Variants in TAF4B observed in about 807,000 individuals in gnomAD.
The protein encoded by TAF4B is transcription initiation factor TFIID subunit 4B.
A neutral mutation model predicts 86.4 loss-of-function variants in TAF4B; 38 were observed. That is an observed-to-expected ratio of 0.44 (90% CI 0.34 to 0.58). TAF4B has a LOEUF of 0.58. Ranked by LOEUF, TAF4B falls within the 20% of genes least tolerant of loss-of-function variation. The pLI is 0.02. For synonymous variants in TAF4B, 388 were observed against 391.2 expected, an observed-to-expected ratio of 0.99 and a Z score of 0.10; for missense variants, 988 against 1,027.6, an observed-to-expected ratio of 0.96 and a Z score of 0.53.
chr18:26,353,266 A>G (rs2057259390), intron 13 of TAF4B, among the ~76,000 whole-genome samples: 1 of 152,220 alleles, frequency 6.6e-6, no homozygotes, highest in Non-Finnish European at 1.5e-5. Context: ...ATGACTATGT[A>G]TATTATACTC....
intron 5 of TAF4B, among the ~76,000 whole-genome samples, chr18:26,279,247 A>T (rs1189892534): frequency 6.6e-6 from 1 of 152,178 alleles, no homozygotes; most frequent in Non-Finnish European, 1.5e-5. Context: ...TAAGAGCCAA[A>T]TCAAGAGCAC....
chr18:26,315,379 A>G lies in TAF4B; in HGVS notation c.1983A>G (p.Gln661=). 1 of 1,612,752 alleles carries G rather than the reference A, an allele frequency of 6.2e-7. No homozygotes were observed. Among genetic ancestry groups the G allele is most frequent in the Non-Finnish European group, 8.5e-7 (1 of 1,179,662 alleles). ...CATTTCTTTTTATTGGAGCTCTACA[A>G]AAGAGAATTTTAGACATTGGTAAGT... The part of the protein sequence containing the change: ...DEPFLFIGAL[Q]KRILDIGKKH... The change falls in exon 10 of 15, where the codon CAA becomes CAG. Residue 661 remains glutamine, a synonymous_variant. Transcript: ENST00000269142.
At chr18:26,382,145 A>G (rs1255749505) in intron 14 of TAF4B, among the ~76,000 whole-genome samples, 2 of 152,200 alleles carry the variant, frequency 1.3e-5, no homozygotes, top group Non-Finnish European at 2.9e-5. Context: ...ACAGTTCTCC[A>G]AGGAAAAATC....
In TAF4B at chr18:26,390,327, A is replaced by G. The variant is rs986041290; in HGVS notation, c.*315A>G. 1.3e-5 allele frequency: 3 copies of G among 229,858 alleles called. No homozygotes were observed. The highest frequency in any genetic ancestry group is 2.5e-5 in the Non-Finnish European group (3 of 119,486). The allele number at this position is 229,858 out of a possible 1,614,324, so 14.2% of individuals were successfully genotyped here. On this transcript the variant is annotated 3_prime_UTR_variant, in exon 15 of 15. Transcript: ENST00000269142. ...CCTGCCTCATTTGCCAAATTGTAGC[A>G]GGTGAGGTGTCCTTCCCTAATACAG...
chr18:26,344,903 C>T (rs899106288), intron 13 of TAF4B, among the ~76,000 whole-genome samples: 11 of 152,110 alleles, frequency 7.2e-5, no homozygotes, highest in Admixed American at 3.9e-4. Context: ...TCCTGTCTTC[C>T]CCACCTGGAC....
chr18:26,229,554 G>A (rs1300266476), intron 1 of TAF4B, among the ~76,000 whole-genome samples: 1 of 147,294 alleles, frequency 6.8e-6, no homozygotes, highest in Non-Finnish European at 1.5e-5. Flanking sequence ...CCAGGCTGGG[G>A]TGCAGTGGCA....
intron 1 of TAF4B, among the ~76,000 whole-genome samples, chr18:26,264,642 A>G (rs2056213878): frequency 6.6e-6 from 1 of 152,210 alleles, no homozygotes. Context: ...TTGCTGTCTC[A>G]TTTTAATGCC....
In TAF4B at chr18:26,300,005, A is replaced by AT. The variant is rs534016809; in HGVS notation, c.1832+6481dup. Among the ~76,000 whole-genome samples, 427 of 151,784 alleles carry AT rather than the reference A, an allele frequency of 2.8e-3. 5 individuals carry two copies. Among genetic ancestry groups the AT allele is most frequent in the East Asian group, 0.019 (98 of 5,160 alleles). ...TAGTAGGCTTTTATCAGTTTTGTTA[A>AT]TTTTTTTGTTGTTGAGACAGAGTCT... On this transcript the variant is annotated intron_variant, in intron 9 of 14. Transcript: ENST00000269142.
At chr18:26,317,025 G>A (rs953634694) in intron 10 of TAF4B, among the ~76,000 whole-genome samples, 1 of 121,224 alleles carries the variant, frequency 8.2e-6, no homozygotes, top group African/African-American at 2.8e-5. Context: ...CCTCCCTTCC[G>A]ATTTTTTTTT....
Position 26,247,743 on chromosome 18 carries a change from G to A in TAF4B, c.344-17427G>A, listed in dbSNP as rs547844979. Among the ~76,000 whole-genome samples the A allele has an allele frequency of 1.8e-3, 273 of 152,228 alleles. 1 individual carries two copies. Among genetic ancestry groups the A allele is most frequent in the African/African-American group, 6.3e-3 (262 of 41,526 alleles). ...CTGAAAGCACAAAAACTAGCCAAGC[G>A]TTGTGGTGCATACCTCTAATCCCAG... On this transcript the variant is annotated intron_variant, in intron 1 of 14. Coordinates refer to ENST00000269142, the MANE Select transcript of TAF4B (RefSeq NM_005640.3).
chr18:26,364,941 TGTATTA>T (rs2057360823), intron 14 of TAF4B, among the ~76,000 whole-genome samples: 1 of 151,880 alleles, frequency 6.6e-6, no homozygotes, highest in Non-Finnish European at 1.5e-5. Flanking sequence ...AATTGCAATA[TGTATTA>T]GTATATGTCC....
intron 14 of TAF4B, among the ~76,000 whole-genome samples, chr18:26,365,107 A>G (rs1407302728): frequency 6.6e-6 from 1 of 150,612 alleles, no homozygotes; most frequent in East Asian, 2.0e-4. Flanking sequence ...CCTGGATTCA[A>G]GCGATTCTCC....
At chr18:26,288,866 T>C (rs937105467) in intron 7 of TAF4B, among the ~76,000 whole-genome samples, 6 of 152,194 alleles carry the variant, frequency 3.9e-5, no homozygotes, top group African/African-American at 1.4e-4. Context: ...TGCAACAAAA[T>C]TTGATGGTAA....
intron 14 of TAF4B, among the ~76,000 whole-genome samples, chr18:26,388,258 A>G (rs1978492333): frequency 6.6e-6 from 1 of 152,246 alleles, no homozygotes; most frequent in South Asian, 2.1e-4. Flanking sequence ...GTAATAGTAT[A>G]TAGACATATT....
At chr18:26,274,506 C>T (rs960290837) in intron 3 of TAF4B, among the ~76,000 whole-genome samples, 157 bp from the exon 4 acceptor site, 11 of 152,112 alleles carry the variant, frequency 7.2e-5, no homozygotes, top group Admixed American at 2.0e-4. Flanking sequence ...CTGCTAGACT[C>T]AAGAGTTCCT....
chr18:26,337,875 T>A (rs1418288086), intron 13 of TAF4B, among the ~76,000 whole-genome samples: 1 of 152,218 alleles, frequency 6.6e-6, no homozygotes, highest in Non-Finnish European at 1.5e-5. Context: ...TTTTCTTTGT[T>A]CACTCATGAA....
intron 9 of TAF4B, among the ~76,000 whole-genome samples, chr18:26,300,057 GTGGCACTTCAAACTCCTGGGC>G (rs1216123486): frequency 6.6e-6 from 1 of 151,944 alleles, no homozygotes; most frequent in Non-Finnish European, 1.5e-5. Flanking sequence ...TTAGAGTGCA[GTGGCACTTCAAACTCCTGGGC>G]TCAAGCCATC....
At chr18:26,324,206 A>T (rs575529198) in intron 11 of TAF4B, among the ~76,000 whole-genome samples, 2 of 152,338 alleles carry the variant, frequency 1.3e-5, no homozygotes, top group Admixed American at 6.5e-5. Flanking sequence ...AACTCTTTAA[A>T]GTATCTTACA....
intron 5 of TAF4B, among the ~76,000 whole-genome samples, chr18:26,277,742 C>T (rs982572383): frequency 5.3e-5 from 8 of 152,110 alleles, no homozygotes; most frequent in Admixed American, 1.3e-4. Flanking sequence ...CTTTTACCCA[C>T]GTATGATTTT....
Sources: allele counts gnomAD v4.1 joint callset (sites outside exome capture counted in the v4.1 genomes callset), GRCh38; gene constraint gnomAD v4.1.1; transcripts MANE v1.5; gene names NCBI Gene and HGNC (gene_info 2026-07-23, HGNC 2026-07-21).